The following DCC variants were observed in gnomAD, a reference collection of about 807,000 sequenced individuals.
DCC encodes DCC netrin 1 receptor, also known as netrin receptor DCC.
DCC carries 58 observed loss-of-function variants against 172.5 expected under a neutral mutation model. The observed-to-expected ratio is 0.34, with a 90% CI of 0.27 to 0.42. The LOEUF (loss-of-function observed/expected upper bound fraction) is 0.42. Ranked by LOEUF, DCC falls within the 10% of genes least tolerant of loss-of-function variation. The probability of loss-of-function intolerance (pLI) is 1.00; values close to 1 mark genes in which losing one functional copy is unlikely to be tolerated. For synonymous variants in DCC, 709 were observed against 644.5 expected (o/e 1.10, Z -1.52); for missense variants, 1,740 against 1,791.0 (o/e 0.97, Z 0.51).
chr18:52,531,904 AG>A (rs2032161829), intron 1 of DCC, among the ~76,000 whole-genome samples: 1 of 152,246 alleles, frequency 6.6e-6, no homozygotes, highest in African/African-American at 2.4e-5. Context: ...AAACAAAAAA[AG>A]ATGAAGAGAA....
intron 15 of DCC, among the ~76,000 whole-genome samples, chr18:53,348,967 T>C (rs9949159): frequency 0.96 from 146,827 of 152,288 alleles, 71,024 homozygotes; most frequent in Middle Eastern, 1. Flanking sequence ...TGGTGATTAA[T>C]ATTTGGCTCC....
At chr18:52,347,451 T>C (rs1194684672) in intron 1 of DCC, among the ~76,000 whole-genome samples, 1 of 152,156 alleles carries the variant, frequency 6.6e-6, no homozygotes, top group Non-Finnish European at 1.5e-5. Flanking sequence ...TTGAAGGCAT[T>C]GCATCATACA....
chr18:53,433,234 T>C (rs912953045), intron 21 of DCC, among the ~76,000 whole-genome samples: 11 of 152,168 alleles, frequency 7.2e-5, no homozygotes, highest in South Asian at 6.2e-4. Flanking sequence ...AAATTCACGA[T>C]GTAATCAATA....
intron 1 of DCC, among the ~76,000 whole-genome samples, chr18:52,598,462 A>G (rs1426281118): frequency 1.3e-5 from 2 of 152,186 alleles, no homozygotes; most frequent in Non-Finnish European, 2.9e-5. Flanking sequence ...TGGAGGCCCA[A>G]GAATGCATGG....
rs1416910485 is a variant in DCC, at chr18:53,467,927, C to G, written c.3653C>G (p.Ser1218Cys). 3 of 1,611,118 alleles carry G rather than the reference C, an allele frequency of 1.9e-6. No homozygotes were observed. Among genetic ancestry groups the G allele is most frequent in the Non-Finnish European group, 1.7e-6 (2 of 1,177,462 alleles). ...QDTEEAGSSM[S>C]TLERSLAARR... The stretch of plus-strand genomic sequence containing the variant: ...ACTGAGGAAGCAGGGAGCTCTATGT[C>G]CACTCTGGAGAGGTCGCTGGCTGCA... Residue 1218 changes from serine to cysteine, a missense_variant, in exon 25 of 29, where the codon TCC becomes TGC. Coordinates refer to ENST00000442544, the MANE Select transcript of DCC (RefSeq NM_005215.4).
intron 2 of DCC, among the ~76,000 whole-genome samples, chr18:52,839,476 C>A (rs1003127060): frequency 6.6e-6 from 1 of 152,120 alleles, no homozygotes; most frequent in African/African-American, 2.4e-5. Context: ...CAATTACAGT[C>A]CTCTCATTAC....
intron 5 of DCC, among the ~76,000 whole-genome samples, chr18:52,945,131 C>T (rs2040521213): frequency 6.6e-6 from 1 of 152,160 alleles, no homozygotes; most frequent in South Asian, 2.1e-4. Context: ...GACAATTATT[C>T]TCCAAAGTAA....
chr18:53,461,085 A>G (rs1468370183), intron 24 of DCC, among the ~76,000 whole-genome samples: 1 of 152,134 alleles, frequency 6.6e-6, no homozygotes, highest in African/African-American at 2.4e-5. Flanking sequence ...TCTTCTTTTG[A>G]GAAGTGTCTG....
chr18:52,583,899 T>A (rs572789504), intron 1 of DCC, among the ~76,000 whole-genome samples: 1 of 152,360 alleles, frequency 6.6e-6, no homozygotes, highest in East Asian at 1.9e-4. Context: ...TCTTTCTTCC[T>A]TTTCTTTCAC....
At chr18:52,346,821 G>A (rs1242749597) in intron 1 of DCC, among the ~76,000 whole-genome samples, 8 of 152,020 alleles carry the variant, frequency 5.3e-5, no homozygotes, top group Non-Finnish European at 1.0e-4. Context: ...TAAATTCCAC[G>A]AGCCCAGTGT....
rs116964434 is a variant in DCC, at chr18:53,520,226, A to G, written c.4112-6391A>G. On this transcript the variant is annotated intron_variant, in intron 27 of 28. Coordinates refer to ENST00000442544, the MANE Select transcript of DCC (RefSeq NM_005215.4). ...CGGGGTTAGGACAAATAGTCACCCG[A>G]CAGTAGCAGTGAGTCCATCAGCAGA... 2.4e-3 allele frequency among the ~76,000 whole-genome samples: 370 copies of G among 152,232 alleles called. 1 individual carries two copies. Among genetic ancestry groups the G allele is most frequent in the Non-Finnish European group, 3.8e-3 (256 of 67,988 alleles).
intron 26 of DCC, among the ~76,000 whole-genome samples, chr18:53,487,413 A>G (rs1242594075): frequency 1.3e-5 from 2 of 152,120 alleles, no homozygotes. Context: ...AAAATTAATT[A>G]TCAGAAAAAA....
At chr18:53,394,115 A>T (rs1420839282) in intron 17 of DCC, among the ~76,000 whole-genome samples, 1 of 152,228 alleles carries the variant, frequency 6.6e-6, no homozygotes, top group Non-Finnish European at 1.5e-5. Context: ...TAGGCAGGAC[A>T]TACACACAAT....
intron 2 of DCC, among the ~76,000 whole-genome samples, chr18:52,863,150 C>T (rs7232877): frequency 6.6e-6 from 1 of 151,872 alleles, no homozygotes; most frequent in Non-Finnish European, 1.5e-5. Context: ...CTTTTAAAAA[C>T]CTTTAGCCAG....
chr18:53,293,898 G>A (rs79782017), intron 12 of DCC, among the ~76,000 whole-genome samples: 1 of 152,068 alleles, frequency 6.6e-6, no homozygotes, highest in African/African-American at 2.4e-5. Flanking sequence ...CAAATTATTA[G>A]TCTCCACTGG....
At chr18:52,945,421 G>T (rs555603591) in intron 5 of DCC, among the ~76,000 whole-genome samples, 1 of 152,080 alleles carries the variant, frequency 6.6e-6, no homozygotes, top group Non-Finnish European at 1.5e-5. Flanking sequence ...TTGCATAGTC[G>T]TTAGAGGAAA....
At chr18:53,453,069 C>T (rs561821152) in intron 23 of DCC, among the ~76,000 whole-genome samples, 1 of 152,198 alleles carries the variant, frequency 6.6e-6, no homozygotes, top group African/African-American at 2.4e-5. Context: ...GTGCCCGCCA[C>T]CACGCCCAGC....
intron 2 of DCC, among the ~76,000 whole-genome samples, chr18:52,847,015 T>A (rs898111868): frequency 1.3e-5 from 2 of 152,152 alleles, no homozygotes; most frequent in Non-Finnish European, 2.9e-5. Context: ...GTCCTGACCT[T>A]ACAGGTAGAA....
At chr18:52,542,547 A>G (rs921768260) in intron 1 of DCC, among the ~76,000 whole-genome samples, 1 of 152,118 alleles carries the variant, frequency 6.6e-6, no homozygotes, top group Non-Finnish European at 1.5e-5. Context: ...ACCAAGTTGA[A>G]GAGCAGGGCC....
Sources: allele counts gnomAD v4.1 joint callset (sites outside exome capture counted in the v4.1 genomes callset), GRCh38; gene constraint gnomAD v4.1.1; transcripts MANE v1.5; gene names NCBI Gene and HGNC (gene_info 2026-07-23, HGNC 2026-07-21).